LIMD1: variants seen among roughly 807,000 people sequenced by gnomAD.
The protein encoded by LIMD1 is LIM domain containing 1, also known as LIM domain-containing protein 1.
In LIMD1, 23 loss-of-function variants were observed where a neutral mutation model predicts 58.4. The observed-to-expected ratio is 0.39, with a 90% CI of 0.28 to 0.56. The LOEUF (loss-of-function observed/expected upper bound fraction) is 0.56. LIMD1 is among the 20% of genes least tolerant of loss of function. The pLI is 0.57. For missense variants in LIMD1, 838 were observed against 855.5 expected, an observed-to-expected ratio of 0.98 and a Z score of 0.25; for synonymous variants, 334 against 345.5, an observed-to-expected ratio of 0.97 and a Z score of 0.37.
intron 1 of LIMD1, among the ~76,000 whole-genome samples, chr3:45,619,712 T>C (rs1701612198): frequency 6.6e-6 from 1 of 151,870 alleles, no homozygotes; most frequent in Non-Finnish European, 1.5e-5. Context: ...AGCAGGAGAA[T>C]CGCTTGAACC....
At position 45,681,861 on chromosome 3, in the gene LIMD1, C is replaced by T. The variant is rs1697749801; in HGVS notation, c.*4802C>T. ...CTTTAAGATTGAGACTTGTAAGGTC[C>T]TGATGCAGTGACTTGTAAGGTCACT... On this transcript the variant is annotated 3_prime_UTR_variant, in exon 8 of 8. Transcript: ENST00000273317. The T allele has an allele frequency of 6.6e-6, 1 of 152,216 alleles. No homozygotes were observed. The highest frequency in any genetic ancestry group is 1.9e-4 in the East Asian group (1 of 5,192). The allele number at this position is 152,216 out of a possible 1,614,324, so 9.4% of individuals were successfully genotyped here.
chr3:45,623,979 C>T (rs535860844), intron 1 of LIMD1, among the ~76,000 whole-genome samples: 2 of 152,254 alleles, frequency 1.3e-5, no homozygotes, highest in African/African-American at 4.8e-5. Context: ...CTTTTGTGAG[C>T]TTTTAGAGTG....
chr3:45,671,694 G>A (rs1216077372), intron 4 of LIMD1, among the ~76,000 whole-genome samples: 1 of 152,042 alleles, frequency 6.6e-6, no homozygotes, highest in Non-Finnish European at 1.5e-5. Flanking sequence ...CCAACTGCTG[G>A]GCCTTACCCC....
At chr3:45,671,352 C>G (rs1036813290) in intron 4 of LIMD1, among the ~76,000 whole-genome samples, 1 of 152,246 alleles carries the variant, frequency 6.6e-6, no homozygotes, top group African/African-American at 2.4e-5. Context: ...ACCCCTGGGT[C>G]TCACAGTGTA....
intron 4 of LIMD1, among the ~76,000 whole-genome samples, chr3:45,671,994 C>T (rs1482307021): frequency 6.6e-6 from 1 of 152,164 alleles, no homozygotes; most frequent in Non-Finnish European, 1.5e-5. Flanking sequence ...CTGGCAGTTC[C>T]AGGTATCCCA....
In LIMD1 at chr3:45,675,078, G is replaced by A. The variant is rs536521996; in HGVS notation, c.1893+667G>A. Among the ~76,000 whole-genome samples, 44 of 152,310 alleles carry A rather than the reference G, an allele frequency of 2.9e-4. 1 individual carries two copies. In the South Asian group the frequency reaches 7.7e-3, roughly 27 times the overall value. On this transcript the variant is annotated intron_variant, in intron 7 of 7. Transcript: ENST00000273317. ...GTGACCCTGTGGGTAGAGAATGGGG[G>A]TGTCCCTCATATAGACTTGTCCCAC...
intron 1 of LIMD1, among the ~76,000 whole-genome samples, chr3:45,616,777 C>T (rs1486443581): frequency 6.8e-6 from 1 of 147,742 alleles, no homozygotes; most frequent in African/African-American, 2.5e-5. Flanking sequence ...TTTTTTGAGA[C>T]GGAATCTTGC....
chr3:45,646,580 A>G (rs1317436291), intron 2 of LIMD1, among the ~76,000 whole-genome samples: 1 of 151,892 alleles, frequency 6.6e-6, no homozygotes, highest in Non-Finnish European at 1.5e-5. Context: ...ATGGAACTGC[A>G]TTTTCCATTT....
At chr3:45,626,484 A>G (rs1701669045) in intron 1 of LIMD1, among the ~76,000 whole-genome samples, 1 of 152,254 alleles carries the variant, frequency 6.6e-6, no homozygotes, top group South Asian at 2.1e-4. Context: ...GCCGATCTAA[A>G]AGGCTGCAGA....
At chr3:45,665,208 T>A (rs1697500144) in intron 2 of LIMD1, among the ~76,000 whole-genome samples, 1 of 151,896 alleles carries the variant, frequency 6.6e-6, no homozygotes, top group Non-Finnish European at 1.5e-5. Context: ...TGTATAGGAC[T>A]CTCCTGATAG....
chr3:45,677,032 T>C lies in LIMD1; in HGVS notation c.2004T>C (p.Ser668=), dbSNP rs781594439. The change falls in exon 8 of 8, where the codon TCT becomes TCC. Residue 668 remains serine, a synonymous_variant. Transcript: ENST00000273317. ...HVKRLEKRPS[S]TALHQHHF ...AGAGGCTGGAGAAGAGACCCTCATC[T>C]ACAGCCCTTCACCAGCACCACTTCT... is the stretch of plus-strand genomic sequence containing the variant. The C allele has an allele frequency of 6.2e-7, 1 of 1,613,912 alleles. No homozygotes were observed. Among genetic ancestry groups the C allele is most frequent in the Non-Finnish European group, 8.5e-7 (1 of 1,180,030 alleles).
chr3:45,634,338 G>T (rs1373320132), intron 1 of LIMD1, among the ~76,000 whole-genome samples: 1 of 152,158 alleles, frequency 6.6e-6, no homozygotes, highest in Non-Finnish European at 1.5e-5. Flanking sequence ...TTGGGAGGGA[G>T]ACTCCAAGGC....
intron 4 of LIMD1, among the ~76,000 whole-genome samples, chr3:45,669,490 C>T (rs1317558633): frequency 6.6e-6 from 1 of 152,114 alleles, no homozygotes; most frequent in African/African-American, 2.4e-5. Context: ...AACGAGTTTT[C>T]ACATGTGCAT....
At chr3:45,650,494 AC>A (rs1174459522) in intron 2 of LIMD1, among the ~76,000 whole-genome samples, 9 of 48,124 alleles carry the variant, frequency 1.9e-4, no homozygotes, top group African/African-American at 3.7e-4. Context: ...CCAGCCCCCC[AC>A]CCCCCCCAAC....
chr3:45,619,757 C>T (rs1701612560), intron 1 of LIMD1, among the ~76,000 whole-genome samples: 1 of 151,944 alleles, frequency 6.6e-6, no homozygotes, highest in South Asian at 2.1e-4. Context: ...TGAGATTGCA[C>T]CACTATACTC....
chr3:45,600,706 C>G (rs1056863481), intron 1 of LIMD1, among the ~76,000 whole-genome samples: 2 of 152,088 alleles, frequency 1.3e-5, no homozygotes, highest in African/African-American at 4.8e-5. Flanking sequence ...TAGTTGTGCC[C>G]CACCGTCTCC....
chr3:45,674,843 A>T (rs553284487), intron 7 of LIMD1, among the ~76,000 whole-genome samples: 1 of 152,142 alleles, frequency 6.6e-6, no homozygotes, highest in Admixed American at 6.5e-5. Context: ...CCCCTCTTGG[A>T]AACAGGCATG....
At chr3:45,644,267 T>G (rs1417907599) in intron 2 of LIMD1, among the ~76,000 whole-genome samples, 1 of 152,224 alleles carries the variant, frequency 6.6e-6, no homozygotes, top group Non-Finnish European at 1.5e-5. Context: ...TTGCCAGCTA[T>G]TTTGTTTTTC....
At position 45,674,354 on chromosome 3, in the gene LIMD1, G is replaced by C. The variant is rs772314126; in HGVS notation, c.1836G>C (p.Glu612Asp). 6.2e-7 allele frequency: 1 copy of C among 1,613,788 alleles called. No individual in the cohort carries two copies. Among genetic ancestry groups the C allele is most frequent in the South Asian group, 1.1e-5 (1 of 91,058 alleles). ...LPILPPEGSDETIRVVSMDRD... is the reference protein window; with the variant it reads ...LPILPPEGSDDTIRVVSMDRD... ...TTCTCTGGTCCCAGGGCTCAGATGA[G>C]ACCATCCGTGTCGTGTCCATGGACA... Residue 612 changes from glutamate to aspartate, a missense_variant, in exon 7 of 8, where the codon GAG becomes GAC. Transcript: ENST00000273317.
Sources: gnomAD v4.1 joint callset for allele counts (sites outside exome capture counted in the v4.1 genomes callset) on GRCh38, gnomAD v4.1.1 for gene constraint, MANE v1.5 for transcripts, NCBI Gene and HGNC (gene_info 2026-07-23, HGNC 2026-07-21) for gene names.